TTC27: variants seen among roughly 807,000 people sequenced by gnomAD.
TTC27 encodes tetratricopeptide repeat protein 27.
Under a neutral mutation model 115.9 loss-of-function variants are expected in TTC27, and 79 were observed. The observed-to-expected ratio is 0.68, with a 90% confidence interval of 0.57 to 0.82. The LOEUF (loss-of-function observed/expected upper bound fraction) is 0.82. Ranked by LOEUF, TTC27 falls within the 40% of genes least tolerant of loss-of-function variation. The pLI is 0.00. For synonymous variants in TTC27, 401 were observed against 356.0 expected, an observed-to-expected ratio of 1.13 and a Z score of -1.42; for missense variants, 1,054 against 993.1, an observed-to-expected ratio of 1.06 and a Z score of -0.82.
At chr2:32,782,489 C>T in intron 14 of TTC27, 137 bp from the exon 15 acceptor site, 2 of 563,592 alleles carry the variant, frequency 3.5e-6, no homozygotes, top group Non-Finnish European at 3.0e-6. Flanking sequence ...TGCCATATAC[C>T]TTTAAACACA....
chr2:32,635,250 C>G (rs891195920), intron 3 of TTC27: 1 of 153,210 alleles, frequency 6.5e-6, no homozygotes, highest in Non-Finnish European at 1.5e-5. Flanking sequence ...TTTATCCAGC[C>G]ACTTTGGTGA....
At chr2:32,708,792 C>A (rs1038701522) in intron 10 of TTC27, among the ~76,000 whole-genome samples, 2 of 151,948 alleles carry the variant, frequency 1.3e-5, no homozygotes, top group Non-Finnish European at 2.9e-5. Flanking sequence ...GAGGAAGGGG[C>A]TTTCTCCTGG....
intron 1 of TTC27, among the ~76,000 whole-genome samples, chr2:32,628,840 A>C (rs1355668819): frequency 3.3e-5 from 5 of 151,734 alleles, no homozygotes. Flanking sequence ...GGCTCGCTGC[A>C]ACCTCCGCCT....
intron 16 of TTC27, among the ~76,000 whole-genome samples, chr2:32,803,786 G>A (rs1448662885): frequency 6.6e-6 from 1 of 152,126 alleles, no homozygotes; most frequent in Non-Finnish European, 1.5e-5. Flanking sequence ...AAGATTGGTG[G>A]ATCACCTGAG....
chr2:32,700,505 A>G (rs1667146563), intron 9 of TTC27, among the ~76,000 whole-genome samples: 1 of 152,196 alleles, frequency 6.6e-6, no homozygotes, highest in Admixed American at 6.5e-5. Flanking sequence ...TCAGTTTTGC[A>G]GATTTACCTA....
intron 9 of TTC27, among the ~76,000 whole-genome samples, chr2:32,696,624 A>G (rs1016083446): frequency 4.6e-5 from 7 of 152,098 alleles, no homozygotes; most frequent in African/African-American, 1.7e-4. Flanking sequence ...ATTCCTTCAC[A>G]AACATTTGAG....
intron 16 of TTC27, among the ~76,000 whole-genome samples, chr2:32,801,501 C>T (rs768936097): frequency 2.0e-5 from 3 of 152,160 alleles, no homozygotes; most frequent in African/African-American, 7.2e-5. Flanking sequence ...CAACCCTAGT[C>T]CAGAATGACA....
At chr2:32,764,402 AC>A (rs1288916315) in intron 13 of TTC27, among the ~76,000 whole-genome samples, 2 of 151,994 alleles carry the variant, frequency 1.3e-5, no homozygotes, top group African/African-American at 2.4e-5. Context: ...CTAAAAAAAA[AC>A]AAACAAAAAT....
intron 7 of TTC27, among the ~76,000 whole-genome samples, chr2:32,668,052 G>A (rs1225360058): frequency 6.6e-6 from 1 of 151,824 alleles, no homozygotes; most frequent in African/African-American, 2.4e-5. Flanking sequence ...TTAACCGGGC[G>A]TGGTGGCGGG....
intron 7 of TTC27, among the ~76,000 whole-genome samples, chr2:32,668,178 A>G (rs533151124): frequency 2.6e-4 from 40 of 151,788 alleles, no homozygotes; most frequent in African/African-American, 9.2e-4. Context: ...GTGACAGAGC[A>G]AGACTCCGTC....
At chr2:32,679,867 C>T (rs1666355763) in intron 9 of TTC27, among the ~76,000 whole-genome samples, 1 of 152,092 alleles carries the variant, frequency 6.6e-6, no homozygotes, top group Admixed American at 6.6e-5. Context: ...TGGTACATGT[C>T]TGTAACCCCA....
chr2:32,655,276 C>T (rs1447686864), intron 5 of TTC27, among the ~76,000 whole-genome samples: 1 of 151,936 alleles, frequency 6.6e-6, no homozygotes, highest in African/African-American at 2.4e-5. Context: ...AGGAGTGAGC[C>T]ACTGTGCCTG....
At chr2:32,684,386 C>A (rs1052749777) in intron 9 of TTC27, among the ~76,000 whole-genome samples, 3 of 151,226 alleles carry the variant, frequency 2.0e-5, no homozygotes, top group Non-Finnish European at 4.4e-5. Context: ...AATAAACATA[C>A]GTGTGCATGT....
intron 3 of TTC27, among the ~76,000 whole-genome samples, chr2:32,634,869 C>T (rs191537969): frequency 3.9e-5 from 6 of 151,932 alleles, no homozygotes; most frequent in Admixed American, 2.6e-4. Context: ...GTTGGCCAGG[C>T]TGGTCCCAAA....
At chr2:32,819,950 A>G (rs1321786093) in intron 19 of TTC27, among the ~76,000 whole-genome samples, 2 of 152,248 alleles carry the variant, frequency 1.3e-5, no homozygotes, top group Non-Finnish European at 2.9e-5. Flanking sequence ...CGCACACACA[A>G]AAACCAAAAA....
At chr2:32,714,379 C>T (rs563953254) in intron 10 of TTC27, among the ~76,000 whole-genome samples, 1 of 152,074 alleles carries the variant, frequency 6.6e-6, no homozygotes, top group South Asian at 2.1e-4. Flanking sequence ...AGGATGGTCT[C>T]GATCTCCTGA....
At chr2:32,642,654 T>TTTTG (rs756431139) in intron 4 of TTC27, among the ~76,000 whole-genome samples, 3 of 151,980 alleles carry the variant, frequency 2.0e-5, no homozygotes, top group Non-Finnish European at 2.9e-5. Flanking sequence ...AGAGGTTGTT[T>TTTTG]TTTGTTTGTT....
chr2:32,647,959 T>G (rs1426337422), intron 4 of TTC27, among the ~76,000 whole-genome samples: 2 of 152,188 alleles, frequency 1.3e-5, no homozygotes, highest in Non-Finnish European at 2.9e-5. Flanking sequence ...TACAAATAAT[T>G]TATAATGAGC....
At chr2:32,811,596 G>T (rs956308902) in intron 17 of TTC27, among the ~76,000 whole-genome samples, 2 of 152,136 alleles carry the variant, frequency 1.3e-5, no homozygotes, top group Non-Finnish European at 2.9e-5. Flanking sequence ...GGAGTATTTA[G>T]ATCTGAGATG....
Sources: gnomAD v4.1 joint callset for allele counts (sites outside exome capture counted in the v4.1 genomes callset) on GRCh38, gnomAD v4.1.1 for gene constraint, MANE v1.5 for transcripts, NCBI Gene and HGNC (gene_info 2026-07-23, HGNC 2026-07-21) for gene names.